Variants in POLR2F observed in about 807,000 individuals in gnomAD.
The protein encoded by POLR2F is RNA polymerase II, I and III subunit F, also known as DNA-directed RNA polymerases I, II, and III subunit RPABC2.
Under a neutral mutation model 22.7 loss-of-function variants are expected in POLR2F, and 12 were observed. The observed-to-expected ratio is 0.53, with a 90% confidence interval of 0.34 to 0.86. The LOEUF (loss-of-function observed/expected upper bound fraction) is 0.86, where lower values mean the gene tolerates loss of function less well. Among genes scored for constraint, POLR2F ranks in the 40% least tolerant of loss-of-function variants. POLR2F has a pLI of 0.02. For synonymous variants in POLR2F, 57 were observed against 66.0 expected (o/e 0.86, Z 0.66); for missense variants, 126 against 171.5 (o/e 0.73, Z 1.48).
chr22:37,983,455 G>A (rs755005900), upstream of POLR2F: 2 of 1,612,402 alleles, frequency 1.2e-6, no homozygotes, highest in African/African-American at 1.3e-5. The surrounding 1 kb of genome is among the most constrained non-coding windows in gnomAD (Gnocchi z 9.5). Flanking sequence ...ACACCATGAA[G>A]GCGTTCATGG....
intron 1 of POLR2F, among the ~76,000 whole-genome samples, chr22:38,007,763 A>G (rs566829022): frequency 1.3e-5 from 2 of 152,340 alleles, no homozygotes; most frequent in Middle Eastern, 3.4e-3. Context: ...GGGAACTCAC[A>G]CTAGTTGTGG....
chr22:38,003,732 A>G (rs1025914174), intron 1 of POLR2F, among the ~76,000 whole-genome samples: 5 of 151,670 alleles, frequency 3.3e-5, no homozygotes, highest in Non-Finnish European at 7.4e-5. Flanking sequence ...GCGCGCCACC[A>G]TGCCCAGCTA....
intron 1 of POLR2F, among the ~76,000 whole-genome samples, chr22:38,001,065 C>T (rs34708460): frequency 8.1e-4 from 123 of 152,226 alleles, no homozygotes; most frequent in Non-Finnish European, 1.3e-3. Context: ...GGCATGGGTG[C>T]AGCACCACTG....
chr22:38,025,124 C>G (rs961803641), intron 1 of POLR2F, among the ~76,000 whole-genome samples: 3 of 152,132 alleles, frequency 2.0e-5, no homozygotes, highest in Admixed American at 6.5e-5. Flanking sequence ...AGAGGACATT[C>G]CCTAGGCAGC....
chr22:37,971,389 A>AT, downstream of POLR2F: 1 of 452,280 alleles, frequency 2.2e-6, no homozygotes, highest in Non-Finnish European at 4.6e-6. Flanking sequence ...TGGCAGCTGG[A>AT]TATAAGCTGT....
Position 37,967,949 on chromosome 22 carries a change from C to T in POLR2F, c.*234C>T. ...GGGCCCTTAGCCCCTTTGGATCCCC[C>T]ACATCCTTCCCTCCATCTCCCTGTT... On this transcript the variant is annotated 3_prime_UTR_variant, in exon 5 of 5. Transcript: ENST00000442738. 1 of 1,187,506 alleles carries T rather than the reference C, an allele frequency of 8.4e-7. No homozygotes were observed. Among genetic ancestry groups the T allele is most frequent in the Non-Finnish European group, 1.0e-6 (1 of 956,754 alleles). The allele number at this position is 1,187,506 out of a possible 1,614,324, so 73.6% of individuals were successfully genotyped here.
intron 1 of POLR2F, chr22:38,025,480 A>T: frequency 7.1e-7 from 1 of 1,404,204 alleles, no homozygotes; most frequent in Non-Finnish European, 9.3e-7. Flanking sequence ...ATACGATCAC[A>T]AACACACATT....
exon 3 of POLR2F, chr22:38,026,417 TC>T: frequency 2.2e-6 from 1 of 453,518 alleles, no homozygotes; most frequent in South Asian, 1.6e-5. Context: ...TCTCTCTGGG[TC>T]TCAGTTTCCC....
At chr22:37,999,363 CAG>C (rs1451499425) in intron 1 of POLR2F, among the ~76,000 whole-genome samples, 1 of 152,180 alleles carries the variant, frequency 6.6e-6, no homozygotes, top group Non-Finnish European at 1.5e-5. Flanking sequence ...TCGGCCATCA[CAG>C]GGGGCTCAGC....
chr22:38,011,716 A>G (rs1376212143), intron 1 of POLR2F, among the ~76,000 whole-genome samples: 7 of 152,080 alleles, frequency 4.6e-5, no homozygotes, highest in African/African-American at 1.4e-4. Flanking sequence ...CTTCTTTTCA[A>G]AATTCCTGTA....
At chr22:37,969,401 G>C, downstream of POLR2F, 1 of 810,692 alleles carries the variant, frequency 1.2e-6, no homozygotes, top group Non-Finnish European at 1.5e-6. Flanking sequence ...TGGAGCTCCT[G>C]CCTTCCTGAG....
intron 2 of POLR2F, among the ~76,000 whole-genome samples, chr22:37,959,031 C>A (rs1931516627): frequency 6.6e-6 from 1 of 152,136 alleles, no homozygotes; most frequent in Admixed American, 6.6e-5. Flanking sequence ...CATTCTGATA[C>A]CACCCCATCT....
downstream of POLR2F, among the ~76,000 whole-genome samples, chr22:38,027,133 G>A (rs114033995): frequency 1.3e-5 from 2 of 152,298 alleles, no homozygotes; most frequent in African/African-American, 4.8e-5. Flanking sequence ...GCGGGATGAC[G>A]CCAGTCCTCA....
At chr22:37,994,807 ATTTTTGTATT>A in intron 1 of POLR2F, among the ~76,000 whole-genome samples, 1 of 151,974 alleles carries the variant, frequency 6.6e-6, no homozygotes, top group Admixed American at 6.5e-5. Flanking sequence ...CACCCGGCCA[ATTTTTGTATT>A]TTTTTGTAGA....
At chr22:38,020,818 C>G (rs936462730) in intron 1 of POLR2F, among the ~76,000 whole-genome samples, 2 of 152,092 alleles carry the variant, frequency 1.3e-5, no homozygotes, top group African/African-American at 4.8e-5. Context: ...ACCTCCACCC[C>G]CTCTCGTTGC....
chr22:38,024,912 A>G (rs2084993423), intron 1 of POLR2F, among the ~76,000 whole-genome samples: 1 of 152,052 alleles, frequency 6.6e-6, no homozygotes, highest in Admixed American at 6.5e-5. Flanking sequence ...GGAGATTCTT[A>G]GTAGTGGAGG....
rs561606435 is a variant in POLR2F at position 38,019,216 on chromosome 22, G to A, written c.121-6653G>A. On this transcript the variant is annotated intron_variant, in intron 1 of 2. Transcript: ENST00000333418. Reference sequence around the variant, plus strand: ...TGGGGCACAGTGTGGCTGTGGGCGGGGTCAGAGTAGGGGTAAGATGACACC... The same window carrying A: ...TGGGGCACAGTGTGGCTGTGGGCGGAGTCAGAGTAGGGGTAAGATGACACC... Among the ~76,000 whole-genome samples, 5 of 152,164 alleles carry A rather than the reference G, an allele frequency of 3.3e-5. No homozygotes were observed. In the East Asian group the frequency reaches 5.8e-4, roughly 18 times the overall value.
At chr22:37,999,302 G>A (rs1040632871) in intron 1 of POLR2F, among the ~76,000 whole-genome samples, 10 of 152,256 alleles carry the variant, frequency 6.6e-5, no homozygotes, top group East Asian at 3.9e-4. Flanking sequence ...CATTTCTACC[G>A]GGTGGCTGCA....
rs60823259 is a variant in POLR2F, at chr22:38,006,349, C to A, written c.121-19520C>A. ...AGGCATGTGGGTGGCTATGCACACA[C>A]CCCAGGGACCTGGGATTATTTCTGG... On this transcript the variant is annotated intron_variant, in intron 1 of 2. Coordinates refer to the POLR2F transcript ENST00000333418. 5.6e-4 allele frequency among the ~76,000 whole-genome samples: 86 copies of A among 152,304 alleles called. 1 individual carries two copies. The highest frequency in any genetic ancestry group is 2.0e-3 in the African/African-American group (84 of 41,582).
Sources: allele counts gnomAD v4.1 joint callset (sites outside exome capture counted in the v4.1 genomes callset), GRCh38; gene constraint gnomAD v4.1.1; non-coding constraint Gnocchi (gnomAD v3.1); transcripts MANE v1.5; gene names NCBI Gene and HGNC (gene_info 2026-07-23, HGNC 2026-07-21).